The following SCOC variants were observed in gnomAD, a reference collection of about 807,000 sequenced individuals.
SCOC encodes short coiled coil protein.
In SCOC, 7 loss-of-function variants were observed where a neutral mutation model predicts 9.9. The observed-to-expected ratio is 0.71, with a 90% CI of 0.40 to 1.33. The LOEUF is 1.33. Ranked by LOEUF, SCOC falls within the 40% of genes most tolerant of loss-of-function variation. The pLI is 0.01. For missense variants in SCOC, 66 were observed against 89.7 expected (o/e 0.74, Z 1.07); for synonymous variants, 19 against 28.2 (o/e 0.67, Z 1.03).
intron 1 of SCOC, among the ~76,000 whole-genome samples, chr4:140,310,450 A>T (rs892989753): frequency 6.6e-6 from 1 of 152,202 alleles, no homozygotes; most frequent in Non-Finnish European, 1.5e-5. Context: ...TCAAATCTTA[A>T]ATAAATTCTG....
At chr4:140,289,798 G>A (rs1414707157) in intron 1 of SCOC, among the ~76,000 whole-genome samples, 1 of 152,218 alleles carries the variant, frequency 6.6e-6, no homozygotes, top group Non-Finnish European at 1.5e-5. Flanking sequence ...TTCCATTCAT[G>A]TGCTTATCCT....
At chr4:140,339,053 T>C (rs959141236), upstream of SCOC, among the ~76,000 whole-genome samples, 2 of 152,134 alleles carry the variant, frequency 1.3e-5, no homozygotes, top group African/African-American at 4.8e-5. Flanking sequence ...CAAACTATAC[T>C]ACAAGGCTAC....
chr4:140,342,003 C>T (rs1418131120), upstream of SCOC, among the ~76,000 whole-genome samples: 2 of 152,178 alleles, frequency 1.3e-5, no homozygotes, highest in East Asian at 1.9e-4. Context: ...GTCCCTCCAA[C>T]CTTTCTGCCT....
intron 1 of SCOC, among the ~76,000 whole-genome samples, chr4:140,286,150 C>T (rs1166770662): frequency 6.6e-6 from 1 of 151,538 alleles, no homozygotes; most frequent in Admixed American, 6.6e-5. Context: ...AGCCACTGCA[C>T]TCCAGCCTGG....
intron 1 of SCOC, among the ~76,000 whole-genome samples, chr4:140,320,615 C>G (rs1197804377): frequency 1.3e-5 from 2 of 152,244 alleles, no homozygotes; most frequent in South Asian, 2.1e-4. Context: ...AATAGGAGCT[C>G]ACAGGGTAGA....
chr4:140,323,244 T>A (rs1190955084), intron 1 of SCOC, among the ~76,000 whole-genome samples: 2 of 152,076 alleles, frequency 1.3e-5, no homozygotes, highest in African/African-American at 4.8e-5. Flanking sequence ...CATTTCCTCC[T>A]CCCTCTCTTT....
chr4:140,341,226 A>G (rs546051730), upstream of SCOC, among the ~76,000 whole-genome samples: 5 of 152,314 alleles, frequency 3.3e-5, no homozygotes, highest in African/African-American at 1.2e-4. Context: ...GTAAATAATA[A>G]AAACAAAACC....
chr4:140,272,318 T>C (rs1165168006), intron 1 of SCOC, among the ~76,000 whole-genome samples: 2 of 151,946 alleles, frequency 1.3e-5, no homozygotes, highest in Non-Finnish European at 2.9e-5. Context: ...GCCTTTCAAA[T>C]TGTTGGGATT....
chr4:140,276,221 C>T (rs1188434753), intron 1 of SCOC, among the ~76,000 whole-genome samples: 1 of 152,138 alleles, frequency 6.6e-6, no homozygotes, highest in Non-Finnish European at 1.5e-5. Flanking sequence ...CCAGGATGGT[C>T]TTAATCTCCT....
chr4:140,324,051 G>A (rs1732576716), intron 1 of SCOC, among the ~76,000 whole-genome samples: 2 of 152,114 alleles, frequency 1.3e-5, no homozygotes, highest in Admixed American at 6.5e-5. Flanking sequence ...CAGATCCCAG[G>A]AAAGAAAATC....
In SCOC at chr4:140,381,302, ATGTAT is replaced by A. The variant is rs1279445485; in HGVS notation, c.*203_*207del. On this transcript the variant is annotated 3_prime_UTR_variant, in exon 4 of 4. Coordinates refer to ENST00000608372, the MANE Select transcript of SCOC (RefSeq NM_001153484.2). ...TATGTTAGTCTATGAAAACGTGCAAATGTATTGTAGAGACTTTATGATTAGAATTG... is the reference window on the plus strand; with the variant it reads ...TATGTTAGTCTATGAAAACGTGCAAATGTAGAGACTTTATGATTAGAATTG... 7 of 463,450 alleles carry A rather than the reference ATGTAT, an allele frequency of 1.5e-5. No individual in the cohort carries two copies. The highest frequency in any genetic ancestry group is 4.0e-5 in the East Asian group (1 of 24,964). The allele number at this position is 463,450 out of a possible 1,614,324, so 28.7% of individuals were successfully genotyped here.
chr4:140,330,151 A>AC (rs1402328062), intron 1 of SCOC, among the ~76,000 whole-genome samples: 1 of 152,222 alleles, frequency 6.6e-6, no homozygotes, highest in Non-Finnish European at 1.5e-5. Flanking sequence ...ATTTGCAGCA[A>AC]CCTGTATGGA....
At chr4:140,373,906 C>T (rs1167105870) in intron 1 of SCOC, 189 bp downstream of exon 1, 2 of 723,230 alleles carry the variant, frequency 2.8e-6, no homozygotes, top group Non-Finnish European at 2.5e-6. Flanking sequence ...AACCCTTGCG[C>T]GACCTCTTTT....
At chr4:140,295,957 A>G (rs1337025280) in intron 1 of SCOC, among the ~76,000 whole-genome samples, 1 of 143,208 alleles carries the variant, frequency 7.0e-6, no homozygotes, top group Non-Finnish European at 1.5e-5. Context: ...AGAAAGAAAG[A>G]AAAAAAAAAA....
chr4:140,373,395 T>C (rs938408950), upstream of SCOC: 30 of 1,462,638 alleles, frequency 2.1e-5, 1 homozygote, highest in Middle Eastern at 5.6e-4. Context: ...TTAGCTTCGC[T>C]TCTTTACTGT....
rs1379206073 is a variant in SCOC, at chr4:140,373,667, G to C, written c.-101G>C. 3.9e-6 allele frequency: 6 copies of C among 1,551,226 alleles called. No individual in the cohort carries two copies. The Admixed American group carries it at 1.2e-4, about 30-fold the overall frequency. On this transcript the variant is annotated 5_prime_UTR_variant, in exon 1 of 4. Transcript: ENST00000608372. ...CGGGGTCAGTTGGTCCAAGTGTCCCGGCCTGAGGTGTCGGCCGGATCCCTC... is the reference window on the plus strand; with the variant it reads ...CGGGGTCAGTTGGTCCAAGTGTCCCCGCCTGAGGTGTCGGCCGGATCCCTC...
chr4:140,323,670 C>T (rs1425103043), intron 1 of SCOC, among the ~76,000 whole-genome samples: 1 of 152,026 alleles, frequency 6.6e-6, no homozygotes, highest in African/African-American at 2.4e-5. Context: ...GCCAAACTAC[C>T]ACAACTCACT....
At chr4:140,322,343 TGAA>T (rs950723540) in intron 1 of SCOC, among the ~76,000 whole-genome samples, 19 of 152,254 alleles carry the variant, frequency 1.2e-4, no homozygotes, top group African/African-American at 4.1e-4. Context: ...GTGAGAGCTC[TGAA>T]GAAGAACAGA....
intron 1 of SCOC, among the ~76,000 whole-genome samples, chr4:140,271,766 G>A (rs1730850254): frequency 6.6e-6 from 1 of 152,120 alleles, no homozygotes; most frequent in South Asian, 2.1e-4. Context: ...CATTGTCCCA[G>A]GCACTGTGCT....
Sources: allele counts gnomAD v4.1 joint callset (sites outside exome capture counted in the v4.1 genomes callset), GRCh38; gene constraint gnomAD v4.1.1; transcripts MANE v1.5; gene names NCBI Gene and HGNC (gene_info 2026-07-23, HGNC 2026-07-21).